The following KCNT2 variants were observed in gnomAD, a reference collection of about 807,000 sequenced individuals.
KCNT2 encodes potassium channel subfamily T member 2.
A neutral mutation model predicts 153.8 loss-of-function variants in KCNT2; 67 were observed. The observed-to-expected ratio is 0.44, with a 90% CI of 0.36 to 0.53. KCNT2 has a LOEUF of 0.53. Ranked by LOEUF, KCNT2 falls within the 20% of genes least tolerant of loss-of-function variation. KCNT2 has a pLI of 0.00. For missense variants in KCNT2, 975 were observed against 1,354.8 expected (o/e 0.72, Z 4.40); for synonymous variants, 500 against 458.8 (o/e 1.09, Z -1.15).
chr1:196,245,902 G>T (rs1055730707), intron 26 of KCNT2, among the ~76,000 whole-genome samples: 1 of 152,118 alleles, frequency 6.6e-6, no homozygotes, highest in African/African-American at 2.4e-5. Flanking sequence ...TAAAGAGGAG[G>T]TTGAAAGATA....
chr1:196,356,985 T>C lies in KCNT2; in HGVS notation c.1404-14757A>G, dbSNP rs556604181. 3.6e-4 allele frequency among the ~76,000 whole-genome samples: 55 copies of C among 152,078 alleles called. No homozygotes were observed. In the South Asian group the frequency reaches 0.011, roughly 31 times the overall value. On this transcript the variant is annotated intron_variant, in intron 14 of 27. Coordinates refer to ENST00000294725, the MANE Select transcript of KCNT2 (RefSeq NM_198503.5). ...TTACTAGGTACTTTTTAACTTACCA[T>C]ACTTAAAATTATGTTTCACTAACTA...
chr1:196,509,886 G>T (rs1681472241), intron 1 of KCNT2, among the ~76,000 whole-genome samples: 1 of 152,028 alleles, frequency 6.6e-6, no homozygotes, highest in African/African-American at 2.4e-5. Context: ...ATTAAAAATG[G>T]GCAGGAGGAC....
intron 5 of KCNT2, among the ~76,000 whole-genome samples, chr1:196,469,649 A>G (rs1677918140): frequency 6.6e-6 from 1 of 152,136 alleles, no homozygotes; most frequent in Admixed American, 6.5e-5. Flanking sequence ...CCTCCTAATA[A>G]GACATTAACA....
intron 17 of KCNT2, 100 bp downstream of exon 17, chr1:196,333,747 A>C: frequency 1.4e-6 from 1 of 706,676 alleles, no homozygotes; most frequent in Non-Finnish European, 2.5e-6. Flanking sequence ...AGAAGGAAAG[A>C]TCATTAGCTC....
At chr1:196,334,090 A>C in intron 16 of KCNT2, 30 bp from the exon 17 acceptor site, 1 of 1,501,158 alleles carries the variant, frequency 6.7e-7, no homozygotes, top group Non-Finnish European at 9.3e-7. Context: ...AAATTTATCA[A>C]GGCGTTTGCC....
At chr1:196,402,041 A>G (rs1361501036) in intron 12 of KCNT2, among the ~76,000 whole-genome samples, 2 of 151,524 alleles carry the variant, frequency 1.3e-5, no homozygotes, top group African/African-American at 2.4e-5. Context: ...AAAAACTATG[A>G]AACCAGAACT....
Position 196,425,992 on chromosome 1 carries a change from T to G in KCNT2, c.985-4A>C, listed in dbSNP as rs746182547. The G allele has an allele frequency of 1.2e-6, 2 of 1,610,572 alleles. No individual in the cohort carries two copies. The highest frequency in any genetic ancestry group is 3.3e-5 in the Admixed American group (2 of 59,724). On this transcript the variant is annotated splice_polypyrimidine_tract_variant and splice_region_variant and intron_variant, in intron 10 of 27. Coordinates refer to ENST00000294725, the MANE Select transcript of KCNT2 (RefSeq NM_198503.5). ...ACAAAATCACCACATAATAATCCTATTCAAAACAAAATGGGCAATGGAATA... is the reference window on the plus strand; with the variant it reads ...ACAAAATCACCACATAATAATCCTAGTCAAAACAAAATGGGCAATGGAATA...
rs552253615 is a variant in KCNT2 at position 196,275,014 on chromosome 1, A to G, written c.2910+5846T>C. On this transcript the variant is annotated intron_variant, in intron 25 of 27. Coordinates refer to ENST00000294725, the MANE Select transcript of KCNT2 (RefSeq NM_198503.5). ...AGGTAGCCTTCATTTTCAAAAATTA[A>G]TATTTCTGCAATGAAAAGTATAAAT... Among the ~76,000 whole-genome samples the G allele has an allele frequency of 3.7e-4, 57 of 152,028 alleles. No homozygotes were observed. The South Asian group carries it at 0.012, about 31-fold the overall frequency.
At chr1:196,254,477 G>T (rs903789385) in intron 26 of KCNT2, among the ~76,000 whole-genome samples, 1 of 151,448 alleles carries the variant, frequency 6.6e-6, no homozygotes, top group Non-Finnish European at 1.5e-5. Flanking sequence ...ATTATTAAAA[G>T]TTGCAAAAAA....
intron 1 of KCNT2, among the ~76,000 whole-genome samples, chr1:196,596,019 T>C (rs913810471): frequency 6.7e-6 from 1 of 149,650 alleles, no homozygotes; most frequent in Non-Finnish European, 1.5e-5. Context: ...AGACATTATT[T>C]TGTTCCTTGT....
At chr1:196,444,632 C>T (rs1427288781) in intron 8 of KCNT2, among the ~76,000 whole-genome samples, 3 of 151,226 alleles carry the variant, frequency 2.0e-5, no homozygotes, top group South Asian at 2.1e-4. Flanking sequence ...AAAAGCATTT[C>T]GAGTAGGGCA....
chr1:196,301,237 TC>T (rs1558120016), intron 22 of KCNT2, among the ~76,000 whole-genome samples: 1 of 152,012 alleles, frequency 6.6e-6, no homozygotes, highest in African/African-American at 2.4e-5. Flanking sequence ...TTACTATGTG[TC>T]CCCCCAAAAT....
Position 196,608,416 on chromosome 1 carries a change from G to A in KCNT2, c.-107C>T. 2 of 841,208 alleles carry A rather than the reference G, an allele frequency of 2.4e-6. No homozygotes were observed. The highest frequency in any genetic ancestry group is 1.4e-5 in the South Asian group (1 of 70,246). 52.1% of individuals were successfully genotyped at this position (841,208 alleles called of 1,614,324 possible). A position where few individuals can be genotyped will look rare whatever the true frequency, so the allele number is the denominator to read the frequency against. ...AGAGGACTAACAAGACGCTGTGGCC[G>A]AGAGAGGGATGGGAGAAGGGGAAGG... On this transcript the variant is annotated 5_prime_UTR_variant, in exon 1 of 28. Coordinates refer to ENST00000294725, the MANE Select transcript of KCNT2 (RefSeq NM_198503.5).
At chr1:196,363,423 G>C (rs1255189292) in intron 14 of KCNT2, among the ~76,000 whole-genome samples, 1 of 152,034 alleles carries the variant, frequency 6.6e-6, no homozygotes, top group African/African-American at 2.4e-5. Flanking sequence ...TTATATTGGA[G>C]GATGATGTTT....
At chr1:196,452,892 G>C (rs1676346604) in intron 8 of KCNT2, among the ~76,000 whole-genome samples, 1 of 151,696 alleles carries the variant, frequency 6.6e-6, no homozygotes, top group Non-Finnish European at 1.5e-5. Flanking sequence ...CATTATGGAG[G>C]GCAGTCTGCC....
At chr1:196,402,420 T>C (rs987311808) in intron 12 of KCNT2, among the ~76,000 whole-genome samples, 6 of 151,500 alleles carry the variant, frequency 4.0e-5, no homozygotes, top group Non-Finnish European at 7.4e-5. Context: ...AAGGAATAAA[T>C]GCAAGTTTAT....
intron 21 of KCNT2, 49 bp downstream of exon 21, chr1:196,315,843 A>G (rs1369485655): frequency 1.3e-6 from 2 of 1,520,708 alleles, no homozygotes; most frequent in African/African-American, 2.8e-5. Context: ...ATATTTTACC[A>G]ATGTTTAGCA....
intron 8 of KCNT2, among the ~76,000 whole-genome samples, chr1:196,441,764 A>C (rs1170913703): frequency 6.6e-6 from 1 of 151,816 alleles, no homozygotes; most frequent in African/African-American, 2.4e-5. Context: ...TTCTGTTATT[A>C]GTAGGAAAGA....
intron 14 of KCNT2, among the ~76,000 whole-genome samples, chr1:196,363,030 A>T (rs1433434000): frequency 1.3e-5 from 2 of 152,110 alleles, no homozygotes; most frequent in African/African-American, 4.8e-5. Flanking sequence ...CCCTAATATT[A>T]GTACTCATTG....
Sources: gnomAD v4.1 joint callset for allele counts (sites outside exome capture counted in the v4.1 genomes callset) on GRCh38, gnomAD v4.1.1 for gene constraint, MANE v1.5 for transcripts, NCBI Gene and HGNC (gene_info 2026-07-23, HGNC 2026-07-21) for gene names.